DNASE1: variants seen among roughly 807,000 people sequenced by gnomAD.
DNASE1 encodes deoxyribonuclease 1.
Under a neutral mutation model 33.9 loss-of-function variants are expected in DNASE1, and 40 were observed. The observed-to-expected ratio is 1.18, with a 90% CI of 0.92 to 1.54. DNASE1 has a LOEUF of 1.54. Ranked by LOEUF, DNASE1 falls within the 40% of genes most tolerant of loss-of-function variation. The pLI is 0.00. For missense variants in DNASE1, 518 were observed against 372.6 expected, an observed-to-expected ratio of 1.39 and a Z score of -3.21; for synonymous variants, 216 against 160.0, an observed-to-expected ratio of 1.35 and a Z score of -2.64.
intron 1 of DNASE1, among the ~76,000 whole-genome samples, chr16:3,632,646 C>T (rs953160200): frequency 2.7e-5 from 4 of 150,768 alleles, no homozygotes; most frequent in African/African-American, 7.3e-5. Context: ...AGTGCAGTAG[C>T]TTGATCTCAG....
intron 1 of DNASE1, among the ~76,000 whole-genome samples, chr16:3,643,677 G>A (rs1254869365): frequency 3.9e-5 from 6 of 152,266 alleles, no homozygotes; most frequent in African/African-American, 1.4e-4. Context: ...AAAGGTGACA[G>A]ACCCACAGGA....
intron 7 of DNASE1, 71 bp downstream of exon 7, chr16:3,657,412 TTCAGAAGCC>T: frequency 1.9e-6 from 3 of 1,578,634 alleles, no homozygotes; most frequent in Non-Finnish European, 8.6e-7. Context: ...TAGGTCGGGC[TTCAGAAGCC>T]TCAAAGCCTT....
At chr16:3,643,617 ACACT>A (rs1232617373) in intron 1 of DNASE1, among the ~76,000 whole-genome samples, 4 of 152,224 alleles carry the variant, frequency 2.6e-5, no homozygotes, top group Non-Finnish European at 4.4e-5. Flanking sequence ...ACAGTCCCTG[ACACT>A]CAGTTGAAGG....
chr16:3,658,755 C>G (rs770012487), downstream of DNASE1: 4 of 1,594,490 alleles, frequency 2.5e-6, no homozygotes, highest in Admixed American at 1.7e-5. Flanking sequence ...GGGCTGGTAG[C>G]CTGGGTCCCT....
exon 10 of DNASE1, chr16:3,663,306 G>C (rs1023203576): frequency 2.2e-6 from 3 of 1,372,848 alleles, no homozygotes; most frequent in Non-Finnish European, 3.0e-6. Flanking sequence ...GGCTCTTCTC[G>C]GGGGTGGCTG....
chr16:3,634,062 G>A lies in DNASE1; in HGVS notation c.-1358-6653G>A, dbSNP rs200942950. Among the ~76,000 whole-genome samples, 17 of 151,736 alleles carry A rather than the reference G, an allele frequency of 1.1e-4. No homozygotes were observed. The East Asian group carries it at 2.9e-3, about 26-fold the overall frequency. ...CCTGACCTCGTGATCCGCCCGTCTC[G>A]GCCTCCCAAAGTGCTGGGATTACAG... On this transcript the variant is annotated intron_variant and NMD_transcript_variant, in intron 1 of 11. Transcript: ENST00000570769.
upstream of DNASE1, among the ~76,000 whole-genome samples, chr16:3,649,738 C>T (rs760435243): frequency 2.0e-5 from 3 of 152,196 alleles, no homozygotes; most frequent in East Asian, 1.9e-4. Flanking sequence ...GTGTTTTTAT[C>T]TTGTGGCCTG....
At chr16:3,640,942 G>T, upstream of DNASE1, 1 of 398,680 alleles carries the variant, frequency 2.5e-6, no homozygotes, top group Non-Finnish European at 4.4e-6. Flanking sequence ...TGTCTCGATG[G>T]CTCCACCGTG....
downstream of DNASE1, chr16:3,662,900 C>G (rs377480920): frequency 2.4e-5 from 38 of 1,613,408 alleles, no homozygotes; most frequent in Non-Finnish European, 3.1e-5. Context: ...TGGTGACACG[C>G]GACCCCAGCA....
chr16:3,664,921 G>A (rs2050794168), exon 10 of DNASE1: 1 of 158,760 alleles, frequency 6.3e-6, no homozygotes, highest in Non-Finnish European at 1.4e-5. Context: ...AGGGCCCTTA[G>A]GGGAGGGGTT....
intron 1 of DNASE1, among the ~76,000 whole-genome samples, chr16:3,618,069 G>A (rs1420489466): frequency 2.1e-5 from 3 of 143,436 alleles, no homozygotes. Context: ...AACTTGTCCT[G>A]TGAAGAAGCC....
upstream of DNASE1, chr16:3,654,316 G>GGCGCTGGTGCTGCAGGCCCCCACC: frequency 2.5e-6 from 1 of 398,530 alleles, no homozygotes; most frequent in Non-Finnish European, 4.4e-6. Context: ...CTGGCCCCAC[G>GGCGCTGGTGCTGCAGGCCCCCACC]GCGCTGGTGC....
Position 3,655,804 on chromosome 16 carries a change from G to A in DNASE1, c.148-45G>A, listed in dbSNP as rs780691649. 2.5e-6 allele frequency: 4 copies of A among 1,606,506 alleles called. No homozygotes were observed. The Admixed American group carries it at 6.7e-5, about 27-fold the overall frequency. ...CCCTTTGTGGCGCTGTAGGGTCCCT[G>A]GGTGGCACCAGCCCTGCTCAGCACC... On this transcript the variant is annotated intron_variant, in intron 2 of 8. Transcript: ENST00000246949.
chr16:3,662,860 T>C (rs1241488111), downstream of DNASE1: 2 of 1,612,392 alleles, frequency 1.2e-6, no homozygotes, highest in Non-Finnish European at 1.7e-6. Context: ...CAAGTGGTGG[T>C]CCATCCCCGG....
chr16:3,625,677 G>T (rs568934582), intron 1 of DNASE1, among the ~76,000 whole-genome samples: 1 of 152,116 alleles, frequency 6.6e-6, no homozygotes. Context: ...GCTAAAAAAG[G>T]CATAGGAGGG....
intron 1 of DNASE1, among the ~76,000 whole-genome samples, chr16:3,614,392 G>A (rs547015097): frequency 6.6e-6 from 1 of 152,196 alleles, no homozygotes; most frequent in East Asian, 1.9e-4. Flanking sequence ...AAGGAGGCGT[G>A]CCACCACGTT....
downstream of DNASE1, chr16:3,662,337 G>A: frequency 1.5e-6 from 1 of 660,086 alleles, no homozygotes; most frequent in Non-Finnish European, 2.5e-6. Flanking sequence ...CTGTGCCCGA[G>A]GGGCTCCACC....
rs2042576527 is a variant in DNASE1 at position 3,655,932 on chromosome 16, C to T, written c.231C>T (p.Leu77=). 6.2e-7 allele frequency: 1 copy of T among 1,613,714 alleles called. No individual in the cohort carries two copies. Among genetic ancestry groups the T allele is most frequent in the South Asian group, 1.1e-5 (1 of 91,080 alleles). Residue 77 remains leucine, a synonymous_variant, in exon 3 of 9, where the codon CTC becomes CTT. Coordinates refer to ENST00000246949, the MANE Select transcript of DNASE1 (RefSeq NM_005223.4). ...CCGTGGGGAAGCTGCTGGACAACCT[C>T]AATCAGTGGGTGACAGTGGCAGGGT... ...LTAVGKLLDN[L]NQDAPDTYHY...
upstream of DNASE1, chr16:3,654,074 A>T (rs1192412995): frequency 1.2e-5 from 3 of 253,524 alleles, no homozygotes; most frequent in East Asian, 2.1e-4. Flanking sequence ...GTGCCACTGC[A>T]CTCCAGCCTT....
Sources: gnomAD v4.1 joint callset for allele counts (sites outside exome capture counted in the v4.1 genomes callset) on GRCh38, gnomAD v4.1.1 for gene constraint, MANE v1.5 for transcripts, NCBI Gene and HGNC (gene_info 2026-07-23, HGNC 2026-07-21) for gene names.